The following PRKN variants were observed in gnomAD, a reference collection of about 807,000 sequenced individuals.
PRKN encodes parkin RBR E3 ubiquitin protein ligase, also known as E3 ubiquitin-protein ligase parkin.
PRKN carries 56 observed loss-of-function variants against 59.5 expected under a neutral mutation model. That is an observed-to-expected ratio of 0.94 (90% CI 0.76 to 1.18). The LOEUF (loss-of-function observed/expected upper bound fraction) is 1.18. PRKN is among the 50% of genes most tolerant of loss of function. The pLI is 0.00. For missense variants in PRKN, 657 were observed against 596.4 expected, an observed-to-expected ratio of 1.10 and a Z score of -1.06; for synonymous variants, 250 against 222.1, an observed-to-expected ratio of 1.13 and a Z score of -1.12.
intron 1 of PRKN, among the ~76,000 whole-genome samples, chr6:162,498,886 GC>G (rs1793226948): frequency 6.6e-6 from 1 of 152,100 alleles, no homozygotes; most frequent in African/African-American, 2.4e-5. Context: ...TAGGCAAGAT[GC>G]TACTGAAAAT....
At chr6:162,660,761 GT>G (rs140080450) in intron 1 of PRKN, among the ~76,000 whole-genome samples, 2,211 of 152,212 alleles carry the variant, frequency 0.015, 59 homozygotes, top group African/African-American at 0.051. Flanking sequence ...CACATGGTCT[GT>G]TCATTGATCT....
chr6:161,860,485 T>C (rs1194218296), intron 6 of PRKN, among the ~76,000 whole-genome samples: 5 of 152,232 alleles, frequency 3.3e-5, no homozygotes, highest in Admixed American at 2.6e-4. Context: ...GCACTCACTT[T>C]TTCTAAAACA....
chr6:162,223,100 C>T (rs1044621864), intron 3 of PRKN, among the ~76,000 whole-genome samples: 5 of 148,680 alleles, frequency 3.4e-5, no homozygotes, highest in Admixed American at 2.7e-4. Flanking sequence ...TGAGTGAGAA[C>T]ATGCGGTGTT....
chr6:161,577,923 G>A (rs182033274), intron 7 of PRKN, among the ~76,000 whole-genome samples: 5 of 152,154 alleles, frequency 3.3e-5, no homozygotes, highest in Admixed American at 6.5e-5. Flanking sequence ...CTTATTGGCC[G>A]GAGGTGAATT....
In PRKN at chr6:161,463,648, T is replaced by C. The variant is rs1039517886; in HGVS notation, c.1084-76771A>G. 6.6e-6 allele frequency among the ~76,000 whole-genome samples: 1 copy of C among 152,206 alleles called. No individual in the cohort carries two copies. Among genetic ancestry groups the C allele is most frequent in the Non-Finnish European group, 1.5e-5 (1 of 68,040 alleles). The stretch of plus-strand genomic sequence containing the variant: ...ACTTTACAGGTAAAGGCCAAAGTTT[T>C]GATTCAGCATGAATGAGAAATTCAA... On this transcript the variant is annotated intron_variant, in intron 9 of 11. Coordinates refer to ENST00000366898, the MANE Select transcript of PRKN (RefSeq NM_004562.3). The surrounding 1 kb of genome is among the most constrained non-coding windows in gnomAD (Gnocchi z 4.8).
At chr6:161,734,151 T>C (rs1411022155) in intron 7 of PRKN, among the ~76,000 whole-genome samples, 8 of 152,164 alleles carry the variant, frequency 5.3e-5, no homozygotes, top group Non-Finnish European at 1.2e-4. Flanking sequence ...GCCATGTTTG[T>C]TAATTTATAA....
intron 3 of PRKN, among the ~76,000 whole-genome samples, chr6:162,228,942 G>A (rs775159048): frequency 9.9e-5 from 15 of 152,106 alleles, no homozygotes; most frequent in Non-Finnish European, 1.3e-4. Context: ...GCTGCTTTGC[G>A]GTGTTGTATG....
At chr6:162,004,155 T>A (rs1782162428) in intron 5 of PRKN, among the ~76,000 whole-genome samples, 1 of 152,174 alleles carries the variant, frequency 6.6e-6, no homozygotes, top group South Asian at 2.1e-4. Context: ...GTTGAATTTA[T>A]CATGAATGAC....
At chr6:161,663,272 G>C (rs573633193) in intron 7 of PRKN, among the ~76,000 whole-genome samples, 1 of 152,276 alleles carries the variant, frequency 6.6e-6, no homozygotes, top group South Asian at 2.1e-4. Flanking sequence ...AAGTGCAGCA[G>C]CCTCTGGGGA....
intron 6 of PRKN, among the ~76,000 whole-genome samples, chr6:161,841,778 G>T (rs1792996152): frequency 6.6e-6 from 1 of 152,096 alleles, no homozygotes; most frequent in Non-Finnish European, 1.5e-5. Flanking sequence ...CATCTTCCAG[G>T]TGACATCTGA....
intron 1 of PRKN, among the ~76,000 whole-genome samples, chr6:162,680,466 A>T (rs552977862): frequency 9.9e-5 from 15 of 152,114 alleles, no homozygotes; most frequent in African/African-American, 3.6e-4. Context: ...TAGCTAGAAA[A>T]CACAAAATTT....
intron 5 of PRKN, among the ~76,000 whole-genome samples, chr6:162,036,091 G>A (rs945319082): frequency 7.2e-5 from 11 of 152,078 alleles, no homozygotes; most frequent in Admixed American, 4.6e-4. Context: ...TTGGGAGGCC[G>A]AGGCGGGCGG....
intron 7 of PRKN, among the ~76,000 whole-genome samples, chr6:161,636,737 T>C (rs1783536103): frequency 6.6e-6 from 1 of 151,526 alleles, no homozygotes; most frequent in Non-Finnish European, 1.5e-5. Context: ...TATGTATATA[T>C]AAAAAAAATA....
At chr6:161,836,442 C>T (rs961974397) in intron 6 of PRKN, among the ~76,000 whole-genome samples, 4 of 152,134 alleles carry the variant, frequency 2.6e-5, no homozygotes, top group African/African-American at 9.7e-5. Context: ...AATCCAGCCT[C>T]CTACATGCAA....
At chr6:162,720,491 C>T (rs1288295131) in intron 1 of PRKN, among the ~76,000 whole-genome samples, 4 of 147,796 alleles carry the variant, frequency 2.7e-5, no homozygotes, top group South Asian at 2.2e-4. Flanking sequence ...TCGCCCAGGC[C>T]GGACTGCGGA....
intron 6 of PRKN, among the ~76,000 whole-genome samples, chr6:161,960,899 C>T (rs1490624753): frequency 3.9e-5 from 6 of 152,154 alleles, no homozygotes; most frequent in Non-Finnish European, 5.9e-5. Flanking sequence ...TGAATATAGA[C>T]ACCAATGCAG....
chr6:161,623,802 A>T (rs1383450005), intron 7 of PRKN, among the ~76,000 whole-genome samples: 1 of 152,212 alleles, frequency 6.6e-6, no homozygotes, highest in Admixed American at 6.5e-5. Flanking sequence ...AACAGAAAAC[A>T]TGGCTTTGGC....
In PRKN at chr6:161,463,557, G is replaced by A. The variant is rs975881481; in HGVS notation, c.1084-76680C>T. On this transcript the variant is annotated intron_variant, in intron 9 of 11. Coordinates refer to ENST00000366898, the MANE Select transcript of PRKN (RefSeq NM_004562.3). This position sits in a 1 kb window ranked among gnomAD's most constrained non-coding sequence, Gnocchi z 4.8. ...TCAACCTACACTATACCTACCAGAT[G>A]CTTTCTTTGACCATCTTGATATCCA... Among the ~76,000 whole-genome samples the A allele has an allele frequency of 6.6e-5, 10 of 152,176 alleles. No homozygotes were observed. The highest frequency in any genetic ancestry group is 1.9e-4 in the African/African-American group (8 of 41,444).
chr6:161,693,724 C>T (rs1785900451), intron 7 of PRKN, among the ~76,000 whole-genome samples: 1 of 152,070 alleles, frequency 6.6e-6, no homozygotes, highest in Admixed American at 6.6e-5. Context: ...GGTTTTCTAC[C>T]CCAGATGTAA....
Sources: allele counts gnomAD v4.1 joint callset (sites outside exome capture counted in the v4.1 genomes callset), GRCh38; gene constraint gnomAD v4.1.1; non-coding constraint Gnocchi (gnomAD v3.1); transcripts MANE v1.5; gene names NCBI Gene and HGNC (gene_info 2026-07-23, HGNC 2026-07-21).